The following PIEZO2 variants were observed in gnomAD, a reference collection of about 807,000 sequenced individuals.
The protein encoded by PIEZO2 is piezo-type mechanosensitive ion channel component 2.
A neutral mutation model predicts 337.3 loss-of-function variants in PIEZO2; 172 were observed. The observed-to-expected ratio is 0.51, with a 90% CI of 0.45 to 0.58. PIEZO2 has a LOEUF of 0.58. PIEZO2 is among the 20% of genes least tolerant of loss of function. PIEZO2 has a pLI of 0.00. For synonymous variants in PIEZO2, 1,251 were observed against 1,228.5 expected, an observed-to-expected ratio of 1.02 and a Z score of -0.38; for missense variants, 3,028 against 3,391.3, an observed-to-expected ratio of 0.89 and a Z score of 2.66.
At chr18:10,798,826 G>GCA (rs1014842542) in intron 11 of PIEZO2, among the ~76,000 whole-genome samples, 2 of 152,202 alleles carry the variant, frequency 1.3e-5, no homozygotes, top group Non-Finnish European at 2.9e-5. Flanking sequence ...GCTCTGAAGA[G>GCA]CACACTGGAA....
At position 11,126,288 on chromosome 18, in the gene PIEZO2, G is replaced by C. The variant is rs868764083; in HGVS notation, c.64+22237C>G. 7.9e-5 allele frequency among the ~76,000 whole-genome samples: 12 copies of C among 152,150 alleles called. No homozygotes were observed. Among genetic ancestry groups the C allele is most frequent in the Non-Finnish European group, 1.6e-4 (11 of 68,042 alleles). ...TATTTTCCAGAAATCGGTTTTGGTG[G>C]TGAGGAATGATCTGTTATTTGCCCA... On this transcript the variant is annotated intron_variant, in intron 1 of 55. Coordinates refer to ENST00000674853, the MANE Select transcript of PIEZO2 (RefSeq NM_001378183.1). This position sits in a 1 kb window ranked among gnomAD's most constrained non-coding sequence, Gnocchi z 4.6.
chr18:10,797,117 A>G (rs1195943240), intron 12 of PIEZO2, among the ~76,000 whole-genome samples: 1 of 152,082 alleles, frequency 6.6e-6, no homozygotes, highest in Non-Finnish European at 1.5e-5. Context: ...CCATCATATT[A>G]TACATACCAT....
chr18:11,114,611 G>C (rs1357787604), intron 1 of PIEZO2, among the ~76,000 whole-genome samples: 1 of 152,106 alleles, frequency 6.6e-6, no homozygotes, highest in African/African-American at 2.4e-5. Context: ...GTTGCAGTGA[G>C]CTGAGATCGT....
chr18:11,065,850 G>A (rs1477999594), intron 2 of PIEZO2, among the ~76,000 whole-genome samples: 1 of 152,166 alleles, frequency 6.6e-6, no homozygotes, highest in Non-Finnish European at 1.5e-5. Context: ...AGTTAGTAGT[G>A]TTAACTAGCC....
In PIEZO2 at chr18:11,148,393, C is replaced by A. The variant is rs943946905; in HGVS notation, c.64+132G>T. The A allele has an allele frequency of 4.6e-5, 47 of 1,011,216 alleles. No homozygotes were observed. In the Admixed American group the frequency reaches 5.2e-4, roughly 11 times the overall value. The allele number at this position is 1,011,216 out of a possible 1,614,324, so 62.6% of individuals were successfully genotyped here. On this transcript the variant is annotated intron_variant, in intron 1 of 55. Coordinates refer to ENST00000674853, the MANE Select transcript of PIEZO2 (RefSeq NM_001378183.1). This position sits in a 1 kb window ranked among gnomAD's most constrained non-coding sequence, Gnocchi z 5.2. ...GAGCCAGGCTGTGCACCAGGGACAG[C>A]GCGCGTCTGACGCCGCTGGCCTCCC... is the stretch of plus-strand genomic sequence containing the variant.
intron 47 of PIEZO2, among the ~76,000 whole-genome samples, chr18:10,693,409 A>G (rs9955127): frequency 0.37 from 54,529 of 147,570 alleles, 9,848 homozygotes; most frequent in Non-Finnish European, 0.38. Context: ...ACTCTTTGTC[A>G]CCCAGGCTGG....
At chr18:11,085,075 C>T (rs866276848) in intron 1 of PIEZO2, among the ~76,000 whole-genome samples, 31 of 152,270 alleles carry the variant, frequency 2.0e-4, no homozygotes, top group African/African-American at 7.0e-4. Flanking sequence ...ATATTTGTTT[C>T]GTTTTCACAA....
At position 10,696,182 on chromosome 18, in the gene PIEZO2, C is replaced by T. The variant is rs2035073471; in HGVS notation, c.7082G>A (p.Arg2361Gln). ...LIQFGTMVVD[R>Q]ALYLRKTVLG... is the part of the protein sequence containing the mutation. ...TACAGTCTTCCTGAGGTAGAGGGCT[C>T]GGTCCACCACCATGGTTCCAAACTG... is the stretch of plus-strand genomic sequence containing the variant. Residue 2361 changes from arginine to glutamine, a missense_variant, in exon 47 of 56, where the codon CGA becomes CAA. Arg to Gln is a conservative substitution (Grantham distance 43, BLOSUM62 1). Transcript: ENST00000674853. The T allele has an allele frequency of 1.2e-6, 2 of 1,613,974 alleles. No individual in the cohort carries two copies. Among genetic ancestry groups the T allele is most frequent in the South Asian group, 1.1e-5 (1 of 91,076 alleles).
chr18:10,802,695 C>T (rs556707783), intron 9 of PIEZO2, among the ~76,000 whole-genome samples: 5 of 152,190 alleles, frequency 3.3e-5, no homozygotes, highest in East Asian at 3.9e-4. Flanking sequence ...TAGTGCCGGG[C>T]GCAGTGACTT....
chr18:11,071,216 T>C (rs1283859027), intron 1 of PIEZO2, among the ~76,000 whole-genome samples: 2 of 152,186 alleles, frequency 1.3e-5, no homozygotes, highest in African/African-American at 4.8e-5. Context: ...CAGAAAGAAA[T>C]GTTCACACCA....
intron 14 of PIEZO2, among the ~76,000 whole-genome samples, chr18:10,790,858 C>G (rs1022298308): frequency 6.6e-6 from 1 of 152,152 alleles, no homozygotes; most frequent in Non-Finnish European, 1.5e-5. Context: ...GCGCCCACCA[C>G]TACGCCCGGC....
rs2033723678 is a variant in PIEZO2, at chr18:10,670,500, A to T, written c.*1027T>A. 6.6e-6 allele frequency: 1 copy of T among 152,238 alleles called. No homozygotes were observed. Among genetic ancestry groups the T allele is most frequent in the African/African-American group, 2.4e-5 (1 of 41,462 alleles). The allele number at this position is 152,238 out of a possible 1,614,324, so 9.4% of individuals were successfully genotyped here. ...GCTCAATATACATATTTCTTTCATA[A>T]TTATGAACTTAAAAAACCCGTCTCA... is the stretch of plus-strand genomic sequence containing the variant. On this transcript the variant is annotated 3_prime_UTR_variant, in exon 56 of 56. Coordinates refer to ENST00000674853, the MANE Select transcript of PIEZO2 (RefSeq NM_001378183.1).
In PIEZO2 at chr18:11,080,013, G is replaced by A. The variant is rs1166747162; in HGVS notation, c.65-13791C>T. Reference sequence around the variant, plus strand: ...TACGGTCAATATCCACCATTTAGAGGAAGTTAAGGCTCAGAAGGATGCACA... The same window carrying A: ...TACGGTCAATATCCACCATTTAGAGAAAGTTAAGGCTCAGAAGGATGCACA... On this transcript the variant is annotated intron_variant, in intron 1 of 55. Transcript: ENST00000674853. The surrounding 1 kb of genome is among the most constrained non-coding windows in gnomAD (Gnocchi z 5.4). Among the ~76,000 whole-genome samples, 1 of 152,142 alleles carries A rather than the reference G, an allele frequency of 6.6e-6. No homozygotes were observed. The highest frequency in any genetic ancestry group is 1.5e-5 in the Non-Finnish European group (1 of 68,020).
intron 1 of PIEZO2, among the ~76,000 whole-genome samples, chr18:11,093,700 C>A (rs1329718102): frequency 4.0e-5 from 6 of 151,218 alleles, no homozygotes; most frequent in Non-Finnish European, 8.8e-5. Flanking sequence ...CATTCTCCTG[C>A]CTCAGGCTCC....
At chr18:10,956,197 G>C (rs1245783226) in intron 3 of PIEZO2, among the ~76,000 whole-genome samples, 2 of 152,052 alleles carry the variant, frequency 1.3e-5, no homozygotes, top group Non-Finnish European at 2.9e-5. Flanking sequence ...CCCTTCAGTT[G>C]CTGATTACAA....
chr18:10,852,526 C>G (rs191712689), intron 7 of PIEZO2, among the ~76,000 whole-genome samples: 1 of 152,204 alleles, frequency 6.6e-6, no homozygotes, highest in Non-Finnish European at 1.5e-5. Flanking sequence ...AGTTTTACCA[C>G]GGCCAAATTT....
chr18:10,731,703 T>C (rs536528149), intron 35 of PIEZO2, among the ~76,000 whole-genome samples, 182 bp from the exon 36 acceptor site: 7 of 152,056 alleles, frequency 4.6e-5, no homozygotes, highest in Non-Finnish European at 1.0e-4. Context: ...GATGTTGTAG[T>C]AATATATTTC....
Position 11,031,084 on chromosome 18 carries a change from G to T in PIEZO2, c.160+35043C>A, listed in dbSNP as rs2036719454. On this transcript the variant is annotated intron_variant, in intron 2 of 55. Coordinates refer to ENST00000674853, the MANE Select transcript of PIEZO2 (RefSeq NM_001378183.1). The surrounding 1 kb of genome is among the most constrained non-coding windows in gnomAD (Gnocchi z 4.7). Reference sequence around the variant, plus strand: ...GGCTCATTGCAAACGCCGCCTCCCGGGTTCACACCATTCTCCTGCCTCAGC... The same window carrying T: ...GGCTCATTGCAAACGCCGCCTCCCGTGTTCACACCATTCTCCTGCCTCAGC... 6.6e-6 allele frequency among the ~76,000 whole-genome samples: 1 copy of T among 151,996 alleles called. No individual in the cohort carries two copies.
intron 3 of PIEZO2, among the ~76,000 whole-genome samples, chr18:10,960,763 C>G (rs264193): frequency 0.5 from 75,553 of 151,966 alleles, 18,995 homozygotes; most frequent in Middle Eastern, 0.53. Flanking sequence ...TCTTTGTAAT[C>G]ACCTCTCTTA....
Sources: gnomAD v4.1 joint callset for allele counts (sites outside exome capture counted in the v4.1 genomes callset) on GRCh38, gnomAD v4.1.1 for gene constraint, Gnocchi (gnomAD v3.1) non-coding constraint, MANE v1.5 for transcripts, NCBI Gene and HGNC (gene_info 2026-07-23, HGNC 2026-07-21) for gene names.